FHL2: variants seen among roughly 807,000 people sequenced by gnomAD.
FHL2 encodes four and a half LIM domains 2.
FHL2 carries 20 observed loss-of-function variants against 32.7 expected under a neutral mutation model. The observed-to-expected ratio is 0.61, with a 90% confidence interval of 0.43 to 0.89. The LOEUF is 0.89. Ranked by LOEUF, FHL2 falls within the 40% of genes least tolerant of loss-of-function variation. The pLI, the probability that FHL2 is intolerant of heterozygous loss-of-function variation, is 0.00. For synonymous variants in FHL2, 123 were observed against 128.1 expected (o/e 0.96, Z 0.27); for missense variants, 311 against 358.6 (o/e 0.87, Z 1.07).
At chr2:105,384,771 G>T (rs1204304059) in intron 3 of FHL2, among the ~76,000 whole-genome samples, 1 of 152,350 alleles carries the variant, frequency 6.6e-6, no homozygotes, top group South Asian at 2.1e-4. Context: ...GCCTCCCAAA[G>T]TGCTGGGATT....
At chr2:105,373,446 G>T in intron 4 of FHL2, 113 bp downstream of exon 4, 1 of 1,141,006 alleles carries the variant, frequency 8.8e-7, no homozygotes, top group East Asian at 2.4e-5. Flanking sequence ...AGGTCAAACT[G>T]GAAAGTCAAC....
chr2:105,378,259 G>C (rs1017188509), intron 3 of FHL2: 1 of 458,276 alleles, frequency 2.2e-6, no homozygotes, highest in Non-Finnish European at 4.5e-6. Context: ...CGTGACACTT[G>C]AAACTGTCCC....
intron 2 of FHL2, among the ~76,000 whole-genome samples, chr2:105,386,756 CTTTTTTTTTT>C (rs11380471): frequency 2.0e-5 from 1 of 48,924 alleles, no homozygotes; most frequent in Non-Finnish European, 3.6e-5. Flanking sequence ...ATGCATTCCA[CTTTTTTTTTT>C]TTTTTTTTTT....
rs72945087 is a variant in FHL2, at chr2:105,427,374, T to A, written c.-25+11025A>T. On this transcript the variant is annotated intron_variant, in intron 1 of 5. Coordinates refer to the FHL2 transcript ENST00000393352. ...TCCACTGAACTGATTTCATGACCCA[T>A]GATATGCACTATGAAACTCACCCGG... 8.0e-3 allele frequency among the ~76,000 whole-genome samples: 1,222 copies of A among 152,320 alleles called. 17 individuals are homozygous for A. Among genetic ancestry groups the A allele is most frequent in the African/African-American group, 0.027 (1,118 of 41,564 alleles).
chr2:105,437,435 T>A (rs2104691730), intron 1 of FHL2, among the ~76,000 whole-genome samples: 1 of 152,268 alleles, frequency 6.6e-6, no homozygotes, highest in East Asian at 1.9e-4. Flanking sequence ...TATGTATCGA[T>A]AAAATTTTGA....
intron 1 of FHL2, among the ~76,000 whole-genome samples, chr2:105,433,729 A>G (rs953415878): frequency 6.6e-6 from 1 of 152,184 alleles, no homozygotes; most frequent in Non-Finnish European, 1.5e-5. Flanking sequence ...TGCACACACC[A>G]TGAGCACTCG....
intron 1 of FHL2, among the ~76,000 whole-genome samples, chr2:105,417,854 T>C (rs997072212): frequency 3.3e-5 from 5 of 152,156 alleles, no homozygotes; most frequent in African/African-American, 7.2e-5. Context: ...AAGAATATCA[T>C]GATTACTAGT....
At chr2:105,389,206 T>C (rs1213978729) in intron 2 of FHL2, among the ~76,000 whole-genome samples, 1 of 152,256 alleles carries the variant, frequency 6.6e-6, no homozygotes, top group African/African-American at 2.4e-5. Context: ...TGGACATTCT[T>C]GTGATAACAT....
At chr2:105,427,944 A>G (rs1465245389) in intron 1 of FHL2, among the ~76,000 whole-genome samples, 2 of 152,236 alleles carry the variant, frequency 1.3e-5, no homozygotes, top group African/African-American at 2.4e-5. Flanking sequence ...TGAGGAAAGT[A>G]TGTCTAGAGT....
intron 3 of FHL2, chr2:105,378,441 A>G (rs1375793622): frequency 1.4e-5 from 4 of 287,454 alleles, no homozygotes; most frequent in Admixed American, 9.3e-5. Context: ...CCTGGGAACC[A>G]TTTCGCCTTG....
intron 2 of FHL2, among the ~76,000 whole-genome samples, chr2:105,393,726 C>T (rs1387250701): frequency 1.3e-5 from 2 of 152,204 alleles, no homozygotes; most frequent in African/African-American, 4.8e-5. Context: ...AAATTAGAAA[C>T]ATATTATGTG....
upstream of FHL2, among the ~76,000 whole-genome samples, chr2:105,403,576 C>A (rs2104645562): frequency 6.6e-6 from 1 of 152,310 alleles, no homozygotes; most frequent in South Asian, 2.1e-4. Context: ...GCAGCAGGAT[C>A]CCCTGCAAAC....
At chr2:105,414,471 C>G (rs867958005) in intron 1 of FHL2, among the ~76,000 whole-genome samples, 1 of 152,106 alleles carries the variant, frequency 6.6e-6, no homozygotes, top group South Asian at 2.1e-4. Context: ...AGCTAGGACC[C>G]GCCCCCCCTC....
At chr2:105,411,036 T>C (rs1683773397) in intron 1 of FHL2, among the ~76,000 whole-genome samples, 1 of 152,204 alleles carries the variant, frequency 6.6e-6, no homozygotes, top group South Asian at 2.1e-4. Context: ...AGCTTGCTTA[T>C]TGAATCTTTG....
intron 6 of FHL2, among the ~76,000 whole-genome samples, chr2:105,362,365 G>A (rs1434264013): frequency 6.6e-6 from 1 of 152,162 alleles, no homozygotes; most frequent in Non-Finnish European, 1.5e-5. Context: ...CTGTTTTAGC[G>A]ACCTGGGAAG....
At chr2:105,421,414 C>T (rs1168337425) in intron 1 of FHL2, among the ~76,000 whole-genome samples, 1 of 152,116 alleles carries the variant, frequency 6.6e-6, no homozygotes, top group Non-Finnish European at 1.5e-5. Context: ...AGGCCCAATG[C>T]CTGAAGTTAA....
At chr2:105,367,767 C>A (rs1314040722) in intron 4 of FHL2, 28 bp from the exon 5 acceptor site, 5 of 1,606,112 alleles carry the variant, frequency 3.1e-6, no homozygotes, top group South Asian at 1.1e-5. Context: ...AGGAACACAG[C>A]AGAGTTATGG....
rs1374935136 is a variant in FHL2, at chr2:105,361,315, T to C, written c.808A>G (p.Ile270Val). 1.1e-5 allele frequency: 18 copies of C among 1,614,000 alleles called. No homozygotes were observed. The highest frequency in any genetic ancestry group is 1.5e-5 in the Non-Finnish European group (18 of 1,179,998). ...GRGFLTERDD[I>V]LCPDCGKDI ...TCTTTCCCACAGTCGGGGCACAGGA[T>C]GTCGTCCCTCTCTGTGAGGAAGCCA... is the stretch of plus-strand genomic sequence containing the variant. The change falls in exon 7 of 7, where the codon ATC becomes GTC. Residue 270 changes from isoleucine (I) to valine (V), a missense_variant. Ile to Val is a conservative substitution (Grantham distance 29). Transcript: ENST00000530340.
At chr2:105,385,696 A>C (rs1161862656) in intron 3 of FHL2, among the ~76,000 whole-genome samples, 1 of 152,186 alleles carries the variant, frequency 6.6e-6, no homozygotes. Flanking sequence ...TCCTTCAGCA[A>C]TCCAGGTTGG....
Sources: gnomAD v4.1 joint callset for allele counts (sites outside exome capture counted in the v4.1 genomes callset) on GRCh38, gnomAD v4.1.1 for gene constraint, MANE v1.5 for transcripts, NCBI Gene and HGNC (gene_info 2026-07-23, HGNC 2026-07-21) for gene names.